PRKCB: variants seen among roughly 807,000 people sequenced by gnomAD.
The protein encoded by PRKCB is protein kinase C beta type.
Under a neutral mutation model 81.5 loss-of-function variants are expected in PRKCB, and 13 were observed. The observed-to-expected ratio is 0.16, with a 90% confidence interval of 0.10 to 0.25. The LOEUF (loss-of-function observed/expected upper bound fraction) is 0.25, where lower values mean the gene tolerates loss of function less well. PRKCB is among the 10% of genes least tolerant of loss of function. The pLI, the probability that PRKCB is intolerant of heterozygous loss-of-function variation, is 1.00. For synonymous variants in PRKCB, 335 were observed against 321.4 expected (o/e 1.04, Z -0.45); for missense variants, 509 against 875.7 (o/e 0.58, Z 5.29).
intron 5 of PRKCB, among the ~76,000 whole-genome samples, chr16:24,042,941 T>G (rs1212011471): frequency 6.6e-6 from 1 of 152,170 alleles, no homozygotes; most frequent in Non-Finnish European, 1.5e-5. Context: ...TTTGCCATGT[T>G]GCCTAGGCTG....
intron 7 of PRKCB, among the ~76,000 whole-genome samples, chr16:24,107,371 T>C (rs145742619): frequency 1.3e-5 from 2 of 152,364 alleles, no homozygotes; most frequent in African/African-American, 2.4e-5. Flanking sequence ...TATAGAAGGG[T>C]GAGCACAGAC....
At chr16:23,845,122 G>A (rs960495312) in intron 2 of PRKCB, among the ~76,000 whole-genome samples, 1 of 152,106 alleles carries the variant, frequency 6.6e-6, no homozygotes, top group African/African-American at 2.4e-5. Flanking sequence ...AGTTCTATGT[G>A]TCAAGTTCTA....
intron 2 of PRKCB, among the ~76,000 whole-genome samples, chr16:23,895,035 G>A (rs1356896462): frequency 6.6e-6 from 1 of 152,068 alleles, no homozygotes; most frequent in Non-Finnish European, 1.5e-5. Context: ...TACCCCCAAA[G>A]CAAAACAATT....
intron 2 of PRKCB, among the ~76,000 whole-genome samples, chr16:23,860,175 G>A (rs1247738888): frequency 6.6e-6 from 1 of 152,164 alleles, no homozygotes; most frequent in African/African-American, 2.4e-5. Flanking sequence ...TACCTAATAA[G>A]AGTTGTCAGG....
intron 2 of PRKCB, among the ~76,000 whole-genome samples, chr16:23,861,827 T>A (rs1409047397): frequency 6.6e-6 from 1 of 152,208 alleles, no homozygotes; most frequent in Non-Finnish European, 1.5e-5. Context: ...AGGATCTGTC[T>A]CCTTCACAAT....
At chr16:23,946,531 G>C (rs998492768) in intron 2 of PRKCB, among the ~76,000 whole-genome samples, 2 of 151,984 alleles carry the variant, frequency 1.3e-5, no homozygotes, top group Non-Finnish European at 2.9e-5. Flanking sequence ...ACTTTAGAGG[G>C]CTATAGGGTT....
chr16:24,096,110 A>G (rs1473266993), intron 7 of PRKCB, among the ~76,000 whole-genome samples: 1 of 152,120 alleles, frequency 6.6e-6, no homozygotes, highest in East Asian at 1.9e-4. Context: ...ATCCTGGCCA[A>G]CATGGTGAAA....
At chr16:24,119,600 G>GGTGGT (rs10680729) in intron 8 of PRKCB, among the ~76,000 whole-genome samples, 121,238 of 151,512 alleles carry the variant, frequency 0.8, 49,465 homozygotes, top group East Asian at 1. Flanking sequence ...AAGGTGATGG[G>GGTGGT]GCAGCAGGGA....
chr16:24,217,330 T>A lies in PRKCB; in HGVS notation c.*2514T>A, dbSNP rs907509365. On this transcript the variant is annotated 3_prime_UTR_variant, in exon 17 of 17. Coordinates refer to ENST00000643927, the MANE Select transcript of PRKCB (RefSeq NM_002738.7). Reference sequence around the variant, plus strand: ...GAAAGTCAGAATTTCTACCACTTCCTTTTCTATCCACATTTCCAGTGCAGA... The same window carrying A: ...GAAAGTCAGAATTTCTACCACTTCCATTTCTATCCACATTTCCAGTGCAGA... 2.0e-6 allele frequency: 2 copies of A among 985,410 alleles called. No homozygotes were observed. The highest frequency in any genetic ancestry group is 2.4e-6 in the Non-Finnish European group (2 of 829,934). 61.0% of individuals were successfully genotyped at this position (985,410 alleles called of 1,614,324 possible). A position where few individuals can be genotyped will look rare whatever the true frequency, so the allele number is the denominator to read the frequency against.
At chr16:24,114,698 T>G (rs1021617770) in intron 8 of PRKCB, among the ~76,000 whole-genome samples, 1 of 152,196 alleles carries the variant, frequency 6.6e-6, no homozygotes, top group African/African-American at 2.4e-5. Context: ...AGCACATTAT[T>G]TTGTTCCCAC....
intron 2 of PRKCB, among the ~76,000 whole-genome samples, chr16:23,850,235 G>A (rs573132266): frequency 6.6e-6 from 1 of 151,950 alleles, no homozygotes; most frequent in African/African-American, 2.4e-5. Flanking sequence ...TGAACACTTA[G>A]GTTGATTCCC....
At chr16:23,955,321 G>A (rs561945142) in intron 2 of PRKCB, among the ~76,000 whole-genome samples, 19 of 152,202 alleles carry the variant, frequency 1.2e-4, no homozygotes, top group Admixed American at 3.3e-4. Context: ...TGATTATCAC[G>A]TGATATCAGC....
rs989903949 is a variant in PRKCB at position 24,174,310 on chromosome 16, C to T, written c.1332-208C>T. 1.5e-5 allele frequency: 8 copies of T among 526,366 alleles called. No homozygotes were observed. In the Admixed American group the frequency reaches 1.6e-4, roughly 11 times the overall value. 32.6% of individuals were successfully genotyped at this position (526,366 alleles called of 1,614,324 possible). A position where few individuals can be genotyped will look rare whatever the true frequency, so the allele number is the denominator to read the frequency against. On this transcript the variant is annotated intron_variant, in intron 11 of 16. Transcript: ENST00000643927. Reference sequence around the variant, plus strand: ...ACAATTGCTGAACTTCTGCCTACCCCCAGTTTGTCCTTAAGGCAACCCCAT... The same window carrying T: ...ACAATTGCTGAACTTCTGCCTACCCTCAGTTTGTCCTTAAGGCAACCCCAT...
intron 2 of PRKCB, among the ~76,000 whole-genome samples, chr16:23,856,522 A>G (rs1161308886): frequency 1.3e-5 from 1 of 76,196 alleles, no homozygotes. Context: ...ATATTGTTTC[A>G]CGAAACTTTT....
chr16:24,059,500 A>C (rs1240097550), intron 5 of PRKCB, among the ~76,000 whole-genome samples: 2 of 151,798 alleles, frequency 1.3e-5, no homozygotes, highest in East Asian at 3.9e-4. Flanking sequence ...TCTACAAAAA[A>C]AAATTTTTTT....
At chr16:24,072,555 G>T (rs986341147) in intron 5 of PRKCB, among the ~76,000 whole-genome samples, 4 of 151,232 alleles carry the variant, frequency 2.6e-5, no homozygotes, top group African/African-American at 9.7e-5. Flanking sequence ...CAGCCAATCT[G>T]CTTTCTTTAA....
chr16:24,205,237 A>G (rs907746495), intron 16 of PRKCB, among the ~76,000 whole-genome samples: 3 of 144,764 alleles, frequency 2.1e-5, no homozygotes, highest in African/African-American at 7.7e-5. Flanking sequence ...TGCAGCCTCC[A>G]GTTCCTGGGC....
chr16:23,998,365 A>AT (rs1249152697), intron 3 of PRKCB, among the ~76,000 whole-genome samples: 11 of 151,520 alleles, frequency 7.3e-5, no homozygotes, highest in Non-Finnish European at 1.5e-4. Flanking sequence ...CACGTTATTG[A>AT]TTTTTTTTTG....
chr16:24,046,121 C>G (rs1208586191), intron 5 of PRKCB, among the ~76,000 whole-genome samples: 1 of 152,274 alleles, frequency 6.6e-6, no homozygotes, highest in Non-Finnish European at 1.5e-5. Flanking sequence ...CCTTTGTCCT[C>G]TACCACCTGG....
Sources: allele counts gnomAD v4.1 joint callset (sites outside exome capture counted in the v4.1 genomes callset), GRCh38; gene constraint gnomAD v4.1.1; transcripts MANE v1.5; gene names NCBI Gene and HGNC (gene_info 2026-07-23, HGNC 2026-07-21).